The following CEP350 variants were observed in gnomAD, a reference collection of about 807,000 sequenced individuals.
CEP350 encodes centrosome-associated protein 350.
Under a neutral mutation model 331.8 loss-of-function variants are expected in CEP350, and 126 were observed. The observed-to-expected ratio is 0.38, with a 90% CI of 0.33 to 0.44. The LOEUF (loss-of-function observed/expected upper bound fraction) is 0.44, where lower values mean the gene tolerates loss of function less well. Among genes scored for constraint, CEP350 ranks in the 20% least tolerant of loss-of-function variants. The pLI is 1.00. For missense variants in CEP350, 3,406 were observed against 3,634.6 expected (o/e 0.94, Z 1.62); for synonymous variants, 1,200 against 1,259.5 (o/e 0.95, Z 1.00).
At chr1:179,974,813 A>C (rs1651732212) in intron 1 of CEP350, among the ~76,000 whole-genome samples, 2 of 152,218 alleles carry the variant, frequency 1.3e-5, no homozygotes, top group Admixed American at 6.5e-5. Context: ...GCAACAGGAG[A>C]GATCTGTCTC....
At chr1:180,032,866 A>G (rs1426453027) in intron 15 of CEP350, among the ~76,000 whole-genome samples, 1 of 152,090 alleles carries the variant, frequency 6.6e-6, no homozygotes. Flanking sequence ...ATCTGTTAAA[A>G]TGATCATTCT....
chr1:180,095,088 G>A, intron 34 of CEP350: 1 of 172,300 alleles, frequency 5.8e-6, no homozygotes, highest in Non-Finnish European at 1.2e-5. Flanking sequence ...CTGGTAAAAT[G>A]AAATAGATCC....
intron 36 of CEP350, among the ~76,000 whole-genome samples, chr1:180,098,384 A>C (rs771076536): frequency 2.4e-4 from 36 of 152,112 alleles, no homozygotes; most frequent in Non-Finnish European, 5.0e-4. Context: ...TTTGTCACCT[A>C]GGCTGGAGTG....
chr1:180,080,805 C>A (rs1191027165), intron 30 of CEP350, 144 bp downstream of exon 30: 4 of 593,694 alleles, frequency 6.7e-6, no homozygotes, highest in East Asian at 5.2e-5. Flanking sequence ...AAGATTAATA[C>A]CATATTGAAT....
intron 7 of CEP350, among the ~76,000 whole-genome samples, chr1:180,004,561 A>C (rs1164884439): frequency 6.6e-6 from 1 of 152,162 alleles, no homozygotes; most frequent in Non-Finnish European, 1.5e-5. Context: ...AAACTGCAAA[A>C]AGTTGCCTTA....
At chr1:180,063,507 T>C (rs953252818) in intron 26 of CEP350, among the ~76,000 whole-genome samples, 3 of 151,846 alleles carry the variant, frequency 2.0e-5, no homozygotes, top group Non-Finnish European at 4.4e-5. Flanking sequence ...TATTCTAAGG[T>C]ACTATAAAAT....
intron 27 of CEP350, among the ~76,000 whole-genome samples, chr1:180,070,469 C>G (rs1658812532): frequency 6.6e-6 from 1 of 152,048 alleles, no homozygotes; most frequent in African/African-American, 2.4e-5. Context: ...TGGAAATATT[C>G]CAACGGAGAA....
intron 37 of CEP350, among the ~76,000 whole-genome samples, chr1:180,110,325 G>A (rs368340288): frequency 6.6e-6 from 1 of 152,178 alleles, no homozygotes; most frequent in East Asian, 1.9e-4. Flanking sequence ...AGTAGAAACA[G>A]TACTTCGATT....
intron 34 of CEP350, chr1:180,095,029 C>T (rs988872471): frequency 5.5e-6 from 1 of 182,100 alleles, no homozygotes; most frequent in African/African-American, 2.4e-5. Context: ...GTTTACATAT[C>T]TACTCAGTCA....
intron 27 of CEP350, chr1:180,073,803 A>G: frequency 7.7e-7 from 1 of 1,304,162 alleles, no homozygotes; most frequent in Non-Finnish European, 1.0e-6. Context: ...TCTCCTGTTC[A>G]CTACTTCTTC....
chr1:180,067,062 CAGTT>C (rs1444223402), intron 27 of CEP350, among the ~76,000 whole-genome samples: 1 of 152,070 alleles, frequency 6.6e-6, no homozygotes, highest in East Asian at 1.9e-4. Flanking sequence ...ACCTTGAGGT[CAGTT>C]AGTTTCTGGG....
At chr1:180,041,858 CT>C (rs1229787805) in intron 19 of CEP350, 56 bp downstream of exon 19, 2 of 1,492,994 alleles carry the variant, frequency 1.3e-6, no homozygotes, top group Non-Finnish European at 1.8e-6. Flanking sequence ...ATCTGAGTAA[CT>C]TTGATCTTCA....
chr1:180,065,598 G>A (rs1377359623), intron 27 of CEP350, among the ~76,000 whole-genome samples: 4 of 151,814 alleles, frequency 2.6e-5, no homozygotes, highest in Middle Eastern at 3.4e-3. Context: ...CCTGGGCAAC[G>A]TAGTGAGACC....
chr1:180,022,762 T>C lies in CEP350; in HGVS notation c.3300T>C (p.Pro1100=). The part of the protein sequence containing the change: ...TSRPLNATAT[P]LSGVSYEDDF... The stretch of plus-strand genomic sequence containing the variant: ...GGCCTTTGAATGCCACCGCAACTCC[T>C]CTAAGTGGTGTTTCATATGAAGATG... The change falls in exon 13 of 38, where the codon CCT becomes CCC. Residue 1100 remains proline, a synonymous_variant. Transcript: ENST00000367607. The C allele has an allele frequency of 6.2e-7, 1 of 1,610,504 alleles. No individual in the cohort carries two copies. The highest frequency in any genetic ancestry group is 8.5e-7 in the Non-Finnish European group (1 of 1,178,098).
chr1:180,067,102 T>G (rs1658591865), intron 27 of CEP350, among the ~76,000 whole-genome samples: 2 of 152,232 alleles, frequency 1.3e-5, no homozygotes. Context: ...AGATTTGATT[T>G]AAAATTTTAA....
intron 32 of CEP350, among the ~76,000 whole-genome samples, chr1:180,090,318 G>A (rs938003713): frequency 1.3e-5 from 2 of 151,642 alleles, no homozygotes; most frequent in South Asian, 2.1e-4. Context: ...AGGCAGAGGC[G>A]GGCGGATCAT....
In CEP350 at chr1:180,031,499, T is replaced by C; in HGVS notation, c.3725+5T>C. The C allele has an allele frequency of 7.4e-7, 1 of 1,345,712 alleles. No individual in the cohort carries two copies. The highest frequency in any genetic ancestry group is 9.8e-7 in the Non-Finnish European group (1 of 1,018,222). 83.4% of individuals were successfully genotyped at this position (1,345,712 alleles called of 1,614,324 possible). ...TCTTTCTGGACATTCTGTGAGGTAA[T>C]GTATATTTTATACTGTAATTTATAT... is the stretch of plus-strand genomic sequence containing the variant. On this transcript the variant is annotated splice_donor_5th_base_variant and intron_variant, in intron 15 of 37. Coordinates refer to ENST00000367607, the MANE Select transcript of CEP350 (RefSeq NM_014810.5).
At chr1:179,991,707 G>GTGTGTGTGTGTGTGTGTGTA (rs1385981536) in intron 4 of CEP350, among the ~76,000 whole-genome samples, 2 of 96,976 alleles carry the variant, frequency 2.1e-5, no homozygotes, top group African/African-American at 3.8e-5. Context: ...GTGTGTGTGT[G>GTGTGTGTGTGTGTGTGTGTA]TATATATATA....
chr1:180,065,070 G>A, intron 26 of CEP350, 45 bp from the exon 27 acceptor site: 1 of 1,526,178 alleles, frequency 6.6e-7, no homozygotes, highest in African/African-American at 1.4e-5. Flanking sequence ...ATGGCTTCAA[G>A]GTCCTATTAA....
Sources: gnomAD v4.1 joint callset for allele counts (sites outside exome capture counted in the v4.1 genomes callset) on GRCh38, gnomAD v4.1.1 for gene constraint, MANE v1.5 for transcripts, NCBI Gene and HGNC (gene_info 2026-07-23, HGNC 2026-07-21) for gene names.